The following BANK1 variants were observed in gnomAD, a reference collection of about 807,000 sequenced individuals.
The protein encoded by BANK1 is B-cell scaffold protein with ankyrin repeats.
Under a neutral mutation model 94.5 loss-of-function variants are expected in BANK1, and 95 were observed. The observed-to-expected ratio is 1.00, with a 90% CI of 0.85 to 1.19. The LOEUF (loss-of-function observed/expected upper bound fraction) is 1.19. BANK1 is among the 50% of genes most tolerant of loss of function. The pLI is 0.00. For synonymous variants in BANK1, 334 were observed against 308.4 expected, an observed-to-expected ratio of 1.08 and a Z score of -0.87; for missense variants, 987 against 932.2, an observed-to-expected ratio of 1.06 and a Z score of -0.77.
At chr4:101,854,590 C>T (rs1184932335) in intron 2 of BANK1, among the ~76,000 whole-genome samples, 1 of 151,448 alleles carries the variant, frequency 6.6e-6, no homozygotes, top group African/African-American at 2.4e-5. Context: ...AGTGATTGTC[C>T]CATAATTGTG....
intron 7 of BANK1, among the ~76,000 whole-genome samples, chr4:101,992,745 A>T (rs939216066): frequency 6.6e-6 from 1 of 152,188 alleles, no homozygotes; most frequent in Non-Finnish European, 1.5e-5. Flanking sequence ...ATGACCTGCT[A>T]AACATCAAAA....
intron 6 of BANK1, among the ~76,000 whole-genome samples, chr4:101,917,582 G>C (rs1334205094): frequency 6.6e-6 from 1 of 151,830 alleles, no homozygotes; most frequent in African/African-American, 2.4e-5. Context: ...ACTTTGGAAG[G>C]AAGCAAACTA....
intron 11 of BANK1, among the ~76,000 whole-genome samples, chr4:102,049,963 G>A (rs1727993970): frequency 6.6e-6 from 1 of 152,148 alleles, no homozygotes; most frequent in Non-Finnish European, 1.5e-5. Context: ...CCAAGTGCTG[G>A]CAGGGCTCTG....
chr4:101,963,893 A>G (rs1724655685), intron 7 of BANK1, among the ~76,000 whole-genome samples: 1 of 151,926 alleles, frequency 6.6e-6, no homozygotes, highest in Non-Finnish European at 1.5e-5. Flanking sequence ...TTCAATTTCT[A>G]TCTCTTCCAA....
At chr4:101,870,338 CATTTT>C (rs947063947) in intron 4 of BANK1, among the ~76,000 whole-genome samples, 162 bp from the exon 5 acceptor site, 3 of 151,856 alleles carry the variant, frequency 2.0e-5, no homozygotes, top group African/African-American at 7.2e-5. Context: ...TTGTACATTT[CATTTT>C]GTGTTTTCCA....
At chr4:101,818,411 C>T (rs1160831800) in intron 1 of BANK1, among the ~76,000 whole-genome samples, 2 of 152,032 alleles carry the variant, frequency 1.3e-5, no homozygotes, top group African/African-American at 4.8e-5. Flanking sequence ...TTTACAAGAC[C>T]CTTTGGCTTT....
At chr4:101,791,026 T>C (rs1724964585) in intron 1 of BANK1, 76 bp downstream of exon 1, 3 of 1,214,552 alleles carry the variant, frequency 2.5e-6, no homozygotes, top group South Asian at 1.6e-5. Flanking sequence ...CGGGCCATCG[T>C]TAGACAACTG....
chr4:101,854,273 C>T lies in BANK1; in HGVS notation c.470-762C>T, dbSNP rs139978109. On this transcript the variant is annotated intron_variant, in intron 2 of 16. Coordinates refer to ENST00000322953, the MANE Select transcript of BANK1 (RefSeq NM_017935.5). The stretch of plus-strand genomic sequence containing the variant: ...GTGAAACATTTTGGGCTTTGAGACA[C>T]TGAATAATAATAAAACATGATCTAT... 2.0e-3 allele frequency among the ~76,000 whole-genome samples: 308 copies of T among 152,180 alleles called. 1 individual carries two copies. The highest frequency in any genetic ancestry group is 6.8e-3 in the Middle Eastern group (2 of 294).
At chr4:102,036,423 T>C (rs1255994506) in intron 10 of BANK1, among the ~76,000 whole-genome samples, 2 of 152,192 alleles carry the variant, frequency 1.3e-5, no homozygotes, top group African/African-American at 4.8e-5. Flanking sequence ...ATGGTCTCTG[T>C]CCTCATTAGT....
intron 7 of BANK1, among the ~76,000 whole-genome samples, chr4:101,956,513 C>T (rs1363411051): frequency 6.6e-6 from 1 of 152,140 alleles, no homozygotes; most frequent in Non-Finnish European, 1.5e-5. Flanking sequence ...GCAGTTTAGG[C>T]AGTCCCCTTG....
chr4:101,804,020 A>G (rs1040118466), intron 1 of BANK1, among the ~76,000 whole-genome samples: 2 of 137,506 alleles, frequency 1.5e-5, no homozygotes, highest in Non-Finnish European at 3.3e-5. Flanking sequence ...AAAAAAAAAA[A>G]AAAAAGAAAT....
At chr4:101,853,711 C>T (rs568897651) in intron 2 of BANK1, among the ~76,000 whole-genome samples, 1 of 152,206 alleles carries the variant, frequency 6.6e-6, no homozygotes, top group East Asian at 1.9e-4. Context: ...AAGTAACGGA[C>T]CAACTTTTCT....
At chr4:101,919,126 A>G (rs1722920624) in intron 7 of BANK1, among the ~76,000 whole-genome samples, 1 of 151,944 alleles carries the variant, frequency 6.6e-6, no homozygotes, top group South Asian at 2.1e-4. Flanking sequence ...GGCATTGAAT[A>G]GGGCAGCATG....
At chr4:102,021,259 C>T (rs1046294264) in intron 7 of BANK1, among the ~76,000 whole-genome samples, 3 of 151,976 alleles carry the variant, frequency 2.0e-5, no homozygotes, top group African/African-American at 4.8e-5. Flanking sequence ...ACGATTATTG[C>T]CTCCTTTGCA....
At position 101,964,834 on chromosome 4, in the gene BANK1, A is replaced by C. The variant is rs1023521386; in HGVS notation, c.1206+46645A>C. Among the ~76,000 whole-genome samples, 5 of 151,662 alleles carry C rather than the reference A, an allele frequency of 3.3e-5. 1 individual carries two copies. On this transcript the variant is annotated intron_variant, in intron 7 of 16. Coordinates refer to ENST00000322953, the MANE Select transcript of BANK1 (RefSeq NM_017935.5). ...CAATGTGCAGGTTAGTTACATATGT[A>C]TACATGTGCCATGCTGGTGTGCTGC...
At chr4:101,895,036 A>T (rs1212767800) in intron 5 of BANK1, among the ~76,000 whole-genome samples, 1 of 151,752 alleles carries the variant, frequency 6.6e-6, no homozygotes, top group Non-Finnish European at 1.5e-5. Flanking sequence ...TAGTTATAAA[A>T]TATAAAGTTA....
At chr4:102,018,794 A>G (rs925863928) in intron 7 of BANK1, among the ~76,000 whole-genome samples, 5 of 149,792 alleles carry the variant, frequency 3.3e-5, no homozygotes, top group African/African-American at 9.8e-5. Flanking sequence ...TGCTCTGATC[A>G]TCTATTTCTT....
chr4:101,909,439 G>A (rs1279207677), intron 6 of BANK1, among the ~76,000 whole-genome samples: 3 of 152,138 alleles, frequency 2.0e-5, no homozygotes, highest in Admixed American at 6.6e-5. Context: ...TATACCTAAT[G>A]TAAATGTCGA....
intron 1 of BANK1, among the ~76,000 whole-genome samples, chr4:101,822,301 C>T (rs913256210): frequency 3.3e-5 from 5 of 151,038 alleles, no homozygotes; most frequent in African/African-American, 4.9e-5. Context: ...GCCTGGGAGG[C>T]GGAGGTTGAA....
Sources: allele counts gnomAD v4.1 joint callset (sites outside exome capture counted in the v4.1 genomes callset), GRCh38; gene constraint gnomAD v4.1.1; transcripts MANE v1.5; gene names NCBI Gene and HGNC (gene_info 2026-07-23, HGNC 2026-07-21).